Variants in RELN observed in about 807,000 individuals in gnomAD.
RELN encodes reelin.
Under a neutral mutation model 427.6 loss-of-function variants are expected in RELN, and 108 were observed. That is an observed-to-expected ratio of 0.25 (90% CI 0.22 to 0.30). The LOEUF (loss-of-function observed/expected upper bound fraction) is 0.30. Among genes scored for constraint, RELN ranks in the 10% least tolerant of loss-of-function variants. RELN has a pLI of 1.00. For missense variants in RELN, 3,715 were observed against 4,302.8 expected (o/e 0.86, Z 3.82); for synonymous variants, 1,524 against 1,513.4 (o/e 1.01, Z -0.16).
At chr7:103,814,343 T>C (rs1373300428) in intron 3 of RELN, among the ~76,000 whole-genome samples, 1 of 152,224 alleles carries the variant, frequency 6.6e-6, no homozygotes, top group African/African-American at 2.4e-5. Flanking sequence ...ACGGATCACC[T>C]GACAGATTTG....
In RELN at chr7:103,727,945, A is replaced by C. The variant is rs149535730; in HGVS notation, c.753+166T>G. ...TGAATTATTTATTTTTACATCCAAA[A>C]ATAGGCCATAGAATCACCCCTCCCA... On this transcript the variant is annotated intron_variant, in intron 7 of 64. Coordinates refer to ENST00000428762, the MANE Select transcript of RELN (RefSeq NM_005045.4). Among the ~76,000 whole-genome samples, 76 of 152,344 alleles carry C rather than the reference A, an allele frequency of 5.0e-4. 1 individual carries two copies. Among genetic ancestry groups the C allele is most frequent in the African/African-American group, 1.8e-3 (74 of 41,580 alleles).
At chr7:103,496,858 C>A (rs958270402) in intron 55 of RELN, 90 bp from the exon 56 acceptor site, 1 of 1,477,818 alleles carries the variant, frequency 6.8e-7, no homozygotes, top group Non-Finnish European at 9.3e-7. Flanking sequence ...CTGTGAACTT[C>A]CCAAAGAAAT....
chr7:103,689,216 C>T (rs917141152), intron 10 of RELN, among the ~76,000 whole-genome samples: 1 of 151,898 alleles, frequency 6.6e-6, no homozygotes, highest in African/African-American at 2.4e-5. Context: ...AAAAGGTAAT[C>T]TGGAATTCTT....
chr7:103,522,418 C>G (rs1018125727), intron 47 of RELN, among the ~76,000 whole-genome samples: 8 of 152,104 alleles, frequency 5.3e-5, no homozygotes, highest in African/African-American at 1.7e-4. Flanking sequence ...GGTAGTGATT[C>G]AGGGTTATAG....
chr7:103,491,854 T>TCACACACA lies in RELN; in HGVS notation c.9443+98_9443+99insTGTGTGTG, dbSNP rs1465537709. The TCACACACA allele has an allele frequency of 2.8e-3, 1,052 of 377,492 alleles. 5 individuals are homozygous for TCACACACA. The highest frequency in any genetic ancestry group is 0.024 in the African/African-American group (614 of 25,280). The allele number at this position is 377,492 out of a possible 1,614,324, so 23.4% of individuals were successfully genotyped here. A position where few individuals can be genotyped will look rare whatever the true frequency, so the allele number is the denominator to read the frequency against. Reference sequence around the variant, plus strand: ...CTCTCTCTCTCTCTCTCTCTCTCTCTCTCACACACACACACACACACACAC... The same window carrying TCACACACA: ...CTCTCTCTCTCTCTCTCTCTCTCTCTCACACACACTCACACACACACACACACACACAC... On this transcript the variant is annotated intron_variant, in intron 58 of 64. Transcript: ENST00000428762.
intron 2 of RELN, among the ~76,000 whole-genome samples, chr7:103,892,218 T>C (rs1424719141): frequency 6.6e-6 from 1 of 152,202 alleles, no homozygotes; most frequent in East Asian, 1.9e-4. Flanking sequence ...CTTCGAAGCC[T>C]TATGGAGACA....
Position 103,489,830 on chromosome 7 carries a change from C to T in RELN, c.9675G>A (p.Val3225=). ...GCTTGGGGCAAGCCTCTCCAATGTACACGTGGTCAATTGCCCAGCTTTGCT... is the reference window on the plus strand; with the variant it reads ...GCTTGGGGCAAGCCTCTCCAATGTATACGTGGTCAATTGCCCAGCTTTGCT... ...TEKQSWAIDH[V]YIGEACPKLC... The change falls in exon 60 of 65, where the codon GTG becomes GTA. Residue 3225 remains valine (V), a synonymous_variant. Transcript: ENST00000428762. 6.2e-7 allele frequency: 1 copy of T among 1,614,222 alleles called. No homozygotes were observed. Among genetic ancestry groups the T allele is most frequent in the African/African-American group, 1.3e-5 (1 of 75,078 alleles).
At chr7:103,818,204 T>C (rs1196405289) in intron 3 of RELN, among the ~76,000 whole-genome samples, 1 of 152,162 alleles carries the variant, frequency 6.6e-6, no homozygotes, top group Non-Finnish European at 1.5e-5. Flanking sequence ...TACTAATTAA[T>C]ACTAGTTAGT....
In RELN at chr7:103,610,615, T is replaced by G. The variant is rs561706931; in HGVS notation, c.3008+80A>C. 9.7e-4 allele frequency: 777 copies of G among 800,156 alleles called. 1 individual carries two copies. Among genetic ancestry groups the G allele is most frequent in the Non-Finnish European group, 1.0e-3 (451 of 443,798 alleles). The allele number at this position is 800,156 out of a possible 1,614,324, so 49.6% of individuals were successfully genotyped here. On this transcript the variant is annotated intron_variant, in intron 22 of 64. Transcript: ENST00000428762. ...ACTTGCCTTCATATTCAAGTCATAC[T>G]TGAATCAATAGAGACAGAATTGAAT... is the stretch of plus-strand genomic sequence containing the variant.
chr7:103,781,689 A>AC (rs775014305), intron 3 of RELN, among the ~76,000 whole-genome samples: 1 of 151,900 alleles, frequency 6.6e-6, no homozygotes, highest in Non-Finnish European at 1.5e-5. Context: ...GCCCCTGATA[A>AC]CCCCCATTCT....
At chr7:103,853,508 A>T (rs1336082067) in intron 2 of RELN, among the ~76,000 whole-genome samples, 1 of 151,982 alleles carries the variant, frequency 6.6e-6, no homozygotes, top group Non-Finnish European at 1.5e-5. Context: ...ATTTGTAATC[A>T]AAAATTGCTT....
At chr7:103,747,556 A>G (rs1458748254) in intron 6 of RELN, among the ~76,000 whole-genome samples, 2 of 151,656 alleles carry the variant, frequency 1.3e-5, no homozygotes, top group East Asian at 3.9e-4. Context: ...AAACCAGGGT[A>G]GTCTGATATC....
At chr7:103,541,837 T>C (rs1406384402) in intron 43 of RELN, among the ~76,000 whole-genome samples, 1 of 152,224 alleles carries the variant, frequency 6.6e-6, no homozygotes, top group Non-Finnish European at 1.5e-5. Flanking sequence ...GGGATAATGA[T>C]AAAATATTGT....
chr7:103,936,173 AC>A (rs1412855960), intron 1 of RELN, among the ~76,000 whole-genome samples: 2 of 149,528 alleles, frequency 1.3e-5, no homozygotes, highest in Non-Finnish European at 3.0e-5. Flanking sequence ...GCTCACTGAG[AC>A]CTCCACCTCC....
intron 3 of RELN, among the ~76,000 whole-genome samples, chr7:103,829,384 A>G (rs888270626): frequency 6.7e-6 from 1 of 150,290 alleles, no homozygotes; most frequent in South Asian, 2.1e-4. Context: ...GGGGTAGGGG[A>G]TTTATATCCA....
At chr7:103,880,805 A>C (rs192920267) in intron 2 of RELN, among the ~76,000 whole-genome samples, 1 of 152,110 alleles carries the variant, frequency 6.6e-6, no homozygotes, top group Admixed American at 6.5e-5. Context: ...CAATCCTACC[A>C]CCTCAGCTTC....
intron 46 of RELN, among the ~76,000 whole-genome samples, chr7:103,533,882 G>C (rs1829994057): frequency 6.6e-6 from 1 of 150,936 alleles, no homozygotes; most frequent in Non-Finnish European, 1.5e-5. Flanking sequence ...AGACTTAAAA[G>C]ACTGTTGCCT....
At chr7:103,613,423 C>G (rs1207274982) in intron 20 of RELN, among the ~76,000 whole-genome samples, 2 of 152,140 alleles carry the variant, frequency 1.3e-5, no homozygotes, top group African/African-American at 2.4e-5. Context: ...TTTGGATCCA[C>G]AGGATGCAAT....
intron 2 of RELN, among the ~76,000 whole-genome samples, chr7:103,884,643 A>C (rs1489744499): frequency 1.3e-5 from 2 of 152,356 alleles, no homozygotes; most frequent in East Asian, 3.9e-4. Context: ...GACACTTCTC[A>C]AAAGAAGACA....
Sources: gnomAD v4.1 joint callset for allele counts (sites outside exome capture counted in the v4.1 genomes callset) on GRCh38, gnomAD v4.1.1 for gene constraint, MANE v1.5 for transcripts, NCBI Gene and HGNC (gene_info 2026-07-23, HGNC 2026-07-21) for gene names.